CFAP70: variants seen among roughly 807,000 people sequenced by gnomAD.
The protein encoded by CFAP70 is cilia- and flagella-associated protein 70.
A neutral mutation model predicts 137.6 loss-of-function variants in CFAP70; 81 were observed. That is an observed-to-expected ratio of 0.59 (90% CI 0.49 to 0.71). The LOEUF is 0.71. Ranked by LOEUF, CFAP70 falls within the 30% of genes least tolerant of loss-of-function variation. The pLI is 0.00. For synonymous variants in CFAP70, 382 were observed against 423.6 expected (o/e 0.90, Z 1.20); for missense variants, 976 against 1,226.7 (o/e 0.80, Z 3.05).
intron 8 of CFAP70, among the ~76,000 whole-genome samples, chr10:73,325,516 G>C (rs1002534688): frequency 2.4e-4 from 36 of 152,284 alleles, no homozygotes; most frequent in African/African-American, 7.7e-4. Flanking sequence ...TGGGCTAAAT[G>C]CTCCAATTAA....
chr10:73,322,106 T>C (rs968298565), intron 9 of CFAP70, among the ~76,000 whole-genome samples: 1 of 152,206 alleles, frequency 6.6e-6, no homozygotes, highest in Admixed American at 6.5e-5. Flanking sequence ...CTGAAAGTTT[T>C]GTATCCAAAT....
chr10:73,262,722 C>T (rs1458932073), intron 25 of CFAP70, among the ~76,000 whole-genome samples: 1 of 152,016 alleles, frequency 6.6e-6, no homozygotes, highest in Non-Finnish European at 1.5e-5. Context: ...CAGTACTATC[C>T]TTTGTTACAG....
At chr10:73,292,013 C>T in exon 17 of CFAP70, 1 of 1,613,964 alleles carries the variant, frequency 6.2e-7, no homozygotes, top group Non-Finnish European at 8.5e-7. Context: ...ACGGACCAAT[C>T]TCTAAGCATC....
chr10:73,341,068 G>C (rs1244654980), intron 6 of CFAP70, among the ~76,000 whole-genome samples: 1 of 152,236 alleles, frequency 6.6e-6, no homozygotes, highest in Non-Finnish European at 1.5e-5. Flanking sequence ...AGGGTAATGA[G>C]ATGGGGAGGA....
At chr10:73,295,545 T>C (rs1409660173) in intron 15 of CFAP70, 1 of 152,214 alleles carries the variant, frequency 6.6e-6, no homozygotes, top group African/African-American at 2.4e-5. Flanking sequence ...ATTAGCCCAA[T>C]AATATTGCTA....
At chr10:73,331,212 T>C (rs1372472504) in exon 8 of CFAP70, 3 of 1,613,330 alleles carry the variant, frequency 1.9e-6, no homozygotes, top group African/African-American at 2.7e-5. Flanking sequence ...TTGGGTATAG[T>C]GACCAGAGGA....
At chr10:73,360,512 A>G (rs981157549), upstream of CFAP70, among the ~76,000 whole-genome samples, 3 of 152,222 alleles carry the variant, frequency 2.0e-5, no homozygotes, top group Non-Finnish European at 4.4e-5. Flanking sequence ...ATTTCAAAAC[A>G]ATTAAAATAT....
At chr10:73,265,357 T>G (rs2045662906) in intron 25 of CFAP70, among the ~76,000 whole-genome samples, 1 of 151,534 alleles carries the variant, frequency 6.6e-6, no homozygotes, top group Non-Finnish European at 1.5e-5. Context: ...AAGAGATTCA[T>G]GTATATTTTC....
chr10:73,285,779 C>T (rs1018972658), intron 19 of CFAP70, among the ~76,000 whole-genome samples: 2 of 151,786 alleles, frequency 1.3e-5, no homozygotes, highest in African/African-American at 4.8e-5. Flanking sequence ...GGATTACAGG[C>T]GCCCACCACC....
chr10:73,260,307 C>T (rs780329402), intron 25 of CFAP70, among the ~76,000 whole-genome samples: 18 of 152,154 alleles, frequency 1.2e-4, no homozygotes, highest in Non-Finnish European at 2.2e-4. Flanking sequence ...GCACTCCAAC[C>T]TCAGCAACAG....
chr10:73,277,480 C>T (rs1165865322), intron 20 of CFAP70, 119 bp from the exon 22 acceptor site: 21 of 1,067,102 alleles, frequency 2.0e-5, no homozygotes, highest in South Asian at 6.6e-5. Context: ...TTTGGGAGGC[C>T]GAGGCAGGCA....
At chr10:73,317,177 C>A (rs373232783) in intron 9 of CFAP70, among the ~76,000 whole-genome samples, 1 of 152,114 alleles carries the variant, frequency 6.6e-6, no homozygotes, top group Non-Finnish European at 1.5e-5. Context: ...GCCACCATGC[C>A]CAGGTAACTT....
chr10:73,256,560 GAA>G, intron 25 of CFAP70, 144 bp from the exon 27 acceptor site: 1 of 790,572 alleles, frequency 1.3e-6, no homozygotes, highest in South Asian at 1.7e-5. Flanking sequence ...GAATTGAGAG[GAA>G]AAACTAGCAA....
At chr10:73,257,776 C>T (rs1324101175) in intron 25 of CFAP70, among the ~76,000 whole-genome samples, 1 of 152,128 alleles carries the variant, frequency 6.6e-6, no homozygotes, top group Non-Finnish European at 1.5e-5. Flanking sequence ...ATGTCAGGAT[C>T]CAGAATAGCC....
Position 73,278,095 on chromosome 10 carries a change from G to A in CFAP70, c.2398+84C>T, listed in dbSNP as rs533351827. 5.9e-4 allele frequency: 808 copies of A among 1,374,702 alleles called. 8 individuals carry two copies. In the South Asian group the frequency reaches 9.5e-3, roughly 16 times the overall value. The allele number at this position is 1,374,702 out of a possible 1,614,324, so 85.2% of individuals were successfully genotyped here. On this transcript the variant is annotated intron_variant, in intron 20 of 26. Transcript: ENST00000310715. ...TGGTTATCAACTTCAAACAAGTCAG[G>A]ATTGCCATTTCATCATCGTAAGAGT...
intron 4 of CFAP70, among the ~76,000 whole-genome samples, chr10:73,346,257 G>A (rs968985425): frequency 3.9e-5 from 6 of 151,956 alleles, no homozygotes; most frequent in Admixed American, 6.5e-5. Context: ...AAATAGATAT[G>A]TATATATTCC....
At chr10:73,360,278 CTCT>C (rs1230046236), upstream of CFAP70, among the ~76,000 whole-genome samples, 1 of 152,176 alleles carries the variant, frequency 6.6e-6, no homozygotes, top group Non-Finnish European at 1.5e-5. Context: ...GAGACACCAT[CTCT>C]TCAATTTGCT....
At chr10:73,319,454 C>T (rs1035937130) in intron 9 of CFAP70, among the ~76,000 whole-genome samples, 5 of 152,234 alleles carry the variant, frequency 3.3e-5, no homozygotes, top group African/African-American at 4.8e-5. Context: ...CTACCTACCA[C>T]TTGCAAGCCC....
upstream of CFAP70, among the ~76,000 whole-genome samples, chr10:73,359,848 C>T (rs1391982800): frequency 6.6e-6 from 1 of 152,012 alleles, no homozygotes; most frequent in Non-Finnish European, 1.5e-5. Context: ...GTTAACATCA[C>T]CAGTGTTGGG....
Sources: allele counts gnomAD v4.1 joint callset (sites outside exome capture counted in the v4.1 genomes callset), GRCh38; gene constraint gnomAD v4.1.1; transcripts MANE v1.5; gene names NCBI Gene and HGNC (gene_info 2026-07-23, HGNC 2026-07-21).